TMTC1: variants seen among roughly 807,000 people sequenced by gnomAD.
TMTC1 encodes transmembrane O-mannosyltransferase targeting cadherins 1.
A neutral mutation model predicts 104.8 loss-of-function variants in TMTC1; 73 were observed. The ratio of observed to expected loss-of-function variants is 0.70; its 90% CI spans 0.58 to 0.85. The LOEUF (loss-of-function observed/expected upper bound fraction) is 0.85, where lower values mean the gene tolerates loss of function less well. Among genes scored for constraint, TMTC1 ranks in the 40% least tolerant of loss-of-function variants. The pLI is 0.00. For synonymous variants in TMTC1, 434 were observed against 428.7 expected, an observed-to-expected ratio of 1.01 and a Z score of -0.15; for missense variants, 1,035 against 1,096.1, an observed-to-expected ratio of 0.94 and a Z score of 0.79.
At position 29,571,743 on chromosome 12, in the gene TMTC1, C is replaced by T. The variant is rs139245624; in HGVS notation, c.1532+362G>A. 3.3e-5 allele frequency among the ~76,000 whole-genome samples: 5 copies of T among 152,174 alleles called. No homozygotes were observed. The East Asian group carries it at 9.7e-4, about 29-fold the overall frequency. ...TCAGGCATGGGATGTCTAGGGCTTT[C>T]TATATGCATACCATTAAAATTCATT... On this transcript the variant is annotated intron_variant, in intron 9 of 17. Coordinates refer to ENST00000539277, the MANE Select transcript of TMTC1 (RefSeq NM_001193451.2).
chr12:29,659,773 C>T lies in TMTC1; in HGVS notation c.939-26437G>A, dbSNP rs1041004038. On this transcript the variant is annotated intron_variant, in intron 5 of 17. Transcript: ENST00000539277. ...AAATGTATAGTTTCTTTTCTCCCCA[C>T]ATGGAGGATAGACCCCAATCCTCAA... The T allele has an allele frequency of 6.6e-6, 5 of 758,094 alleles. No individual in the cohort carries two copies. The African/African-American group carries it at 8.8e-5, about 13-fold the overall frequency. The allele number at this position is 758,094 out of a possible 1,614,324, so 47.0% of individuals were successfully genotyped here.
chr12:29,636,486 T>A (rs1300748979), intron 5 of TMTC1, among the ~76,000 whole-genome samples: 1 of 152,140 alleles, frequency 6.6e-6, no homozygotes, highest in African/African-American at 2.4e-5. Flanking sequence ...ATAACAAAAA[T>A]TTTTTAAAGT....
chr12:29,696,291 T>C (rs903846445), intron 5 of TMTC1, among the ~76,000 whole-genome samples: 1 of 152,132 alleles, frequency 6.6e-6, no homozygotes, highest in African/African-American at 2.4e-5. Context: ...ACTATTGCTT[T>C]AATGGGGAAG....
chr12:29,631,649 T>TA (rs780012682), intron 6 of TMTC1, among the ~76,000 whole-genome samples: 29 of 152,218 alleles, frequency 1.9e-4, no homozygotes, highest in Non-Finnish European at 4.1e-4. Context: ...GTATATCTAG[T>TA]AATCGTTGGT....
chr12:29,683,108 A>G (rs191863256), intron 5 of TMTC1, among the ~76,000 whole-genome samples: 106 of 152,314 alleles, frequency 7.0e-4, no homozygotes, highest in Non-Finnish European at 1.1e-3. Flanking sequence ...CCACCTCATT[A>G]CTAAAGAACA....
chr12:29,645,031 C>T (rs948525696), intron 5 of TMTC1, among the ~76,000 whole-genome samples: 1 of 152,176 alleles, frequency 6.6e-6, no homozygotes, highest in African/African-American at 2.4e-5. Context: ...ATCCTCCTCA[C>T]TAAAACAGAA....
upstream of TMTC1, chr12:29,783,954 C>A (rs1401357065): frequency 1.1e-5 from 3 of 272,972 alleles, no homozygotes; most frequent in Non-Finnish European, 1.8e-5. The surrounding 1 kb of genome is among the most constrained non-coding windows in gnomAD (Gnocchi z 4.7). Flanking sequence ...GCAGTCCCCC[C>A]GCCTCCCCCG....
chr12:29,749,644 C>A (rs1339789170), intron 5 of TMTC1, among the ~76,000 whole-genome samples: 4 of 152,152 alleles, frequency 2.6e-5, no homozygotes, highest in Non-Finnish European at 4.4e-5. Context: ...AGTGTTTTAA[C>A]CCTTTATTCC....
At chr12:29,691,055 C>T (rs927028707) in intron 5 of TMTC1, among the ~76,000 whole-genome samples, 1 of 152,188 alleles carries the variant, frequency 6.6e-6, no homozygotes, top group African/African-American at 2.4e-5. Flanking sequence ...AAAAGATCCC[C>T]TTCTTGCCTG....
intron 5 of TMTC1, among the ~76,000 whole-genome samples, chr12:29,680,981 C>A (rs1940895331): frequency 6.6e-6 from 1 of 151,794 alleles, no homozygotes. Flanking sequence ...TGCCTGTAAT[C>A]CCAGCTACTT....
At position 29,506,891 on chromosome 12, in the gene TMTC1, G is replaced by T; in HGVS notation, c.2604C>A (p.Arg868=). 6.2e-7 allele frequency: 1 copy of T among 1,614,092 alleles called. No homozygotes were observed. Residue 868 remains arginine (R), a synonymous_variant, in exon 18 of 18, where the codon CGC becomes CGA. Transcript: ENST00000539277. ...LLKENLAKLD[R]LEKRLQEVRE... is the part of the protein sequence containing the mutation. ...GAACTTCTTGTAATCGTTTTTCTAG[G>T]CGATCCAATTTGGCAAGATTTTCCT...
rs1946107274 is a variant in TMTC1 at position 29,585,453 on chromosome 12, C to T, written c.1251-1879G>A. Among the ~76,000 whole-genome samples the T allele has an allele frequency of 3.3e-5, 5 of 152,252 alleles. No homozygotes were observed. In the South Asian group the frequency reaches 1.0e-3, roughly 32 times the overall value. ...GAAGCTCTTTAGTTTAATTAGAACC[C>T]ATTTGTCAATTTTGGCTTTTGTTGC... On this transcript the variant is annotated intron_variant, in intron 7 of 17. Coordinates refer to ENST00000539277, the MANE Select transcript of TMTC1 (RefSeq NM_001193451.2).
chr12:29,548,494 T>C (rs1280963784), intron 10 of TMTC1, among the ~76,000 whole-genome samples: 1 of 152,088 alleles, frequency 6.6e-6, no homozygotes, highest in Admixed American at 6.5e-5. Context: ...GTTGCCCTGA[T>C]AGTGAATAAG....
intron 5 of TMTC1, among the ~76,000 whole-genome samples, chr12:29,704,587 TA>T (rs1941689110): frequency 6.6e-6 from 1 of 152,230 alleles, no homozygotes; most frequent in South Asian, 2.1e-4. Context: ...GTGAGTGTAT[TA>T]GAGGCCTAAT....
chr12:29,603,020 T>G (rs570905207), intron 7 of TMTC1, among the ~76,000 whole-genome samples: 2 of 152,214 alleles, frequency 1.3e-5, no homozygotes, highest in Non-Finnish European at 2.9e-5. Flanking sequence ...GTGTATTCCC[T>G]ATTATTGGCA....
intron 7 of TMTC1, among the ~76,000 whole-genome samples, chr12:29,586,525 G>T (rs544732112): frequency 6.6e-6 from 1 of 152,208 alleles, no homozygotes; most frequent in African/African-American, 2.4e-5. Context: ...GTTTTCAAAG[G>T]GAATGCTTCC....
At chr12:29,671,432 C>A (rs931030046) in intron 5 of TMTC1, among the ~76,000 whole-genome samples, 12 of 151,998 alleles carry the variant, frequency 7.9e-5, no homozygotes, top group African/African-American at 2.9e-4. Context: ...TGTTGAACAC[C>A]GAGTTAAGTC....
At chr12:29,759,073 A>C (rs1052640032) in intron 2 of TMTC1, among the ~76,000 whole-genome samples, 1 of 152,222 alleles carries the variant, frequency 6.6e-6, no homozygotes, top group African/African-American at 2.4e-5. Flanking sequence ...TCATGTATTA[A>C]CTTATTCAAA....
rs1355905402 is a variant in TMTC1 at position 29,751,673 on chromosome 12, T to G, written c.931A>C (p.Met311Leu). 1.2e-6 allele frequency: 2 copies of G among 1,614,024 alleles called. No homozygotes were observed. Among genetic ancestry groups the G allele is most frequent in the Non-Finnish European group, 8.5e-7 (1 of 1,180,016 alleles). ...FPVSPRAVWS[M>L]MRFLTYSYLL... is the part of the protein sequence containing the mutation. ...AGAAACCCAGCCCAGTACCTCATCATGGACCACACAGCTCGTGGGGACACT... is the reference window on the plus strand; with the variant it reads ...AGAAACCCAGCCCAGTACCTCATCAGGGACCACACAGCTCGTGGGGACACT... The change falls in exon 5 of 18, where the codon ATG becomes CTG. Residue 311 changes from methionine to leucine, a missense_variant. Met to Leu is a conservative substitution (Grantham distance 15). Transcript: ENST00000539277.
Sources: gnomAD v4.1 joint callset for allele counts (sites outside exome capture counted in the v4.1 genomes callset) on GRCh38, gnomAD v4.1.1 for gene constraint, Gnocchi (gnomAD v3.1) non-coding constraint, MANE v1.5 for transcripts, NCBI Gene and HGNC (gene_info 2026-07-23, HGNC 2026-07-21) for gene names.